Variants in MROH1 observed in about 807,000 individuals in gnomAD.
The protein encoded by MROH1 is maestro heat-like repeat-containing protein family member 1.
Under a neutral mutation model 116.5 loss-of-function variants are expected in MROH1, and 117 were observed. That is an observed-to-expected ratio of 1.00 (90% CI 0.86 to 1.17). The LOEUF is 1.17. Ranked by LOEUF, MROH1 falls within the 50% of genes most tolerant of loss-of-function variation. The pLI, the probability that MROH1 is intolerant of heterozygous loss-of-function variation, is 0.00. For synonymous variants in MROH1, 921 were observed against 583.9 expected, an observed-to-expected ratio of 1.58 and a Z score of -8.32; for missense variants, 1,873 against 1,338.5, an observed-to-expected ratio of 1.40 and a Z score of -6.23.
chr8:144,244,332 A>G lies in MROH1; in HGVS notation c.2666A>G (p.Gln889Arg), dbSNP rs2132999482. The stretch of plus-strand genomic sequence containing the variant: ...CCCAAGGAGGAGGACGGAGGCTGCC[A>G]GAAGGTATCCCTGTGTTTCCCTTGC... ...PEPKEEDGGC[Q>R]KSLYLETLHA... is the part of the protein sequence containing the mutation. The change falls in exon 27 of 44, where the codon CAG becomes CGG. Residue 889 changes from glutamine (Q) to arginine (R), a missense_variant. Transcript: ENST00000326134. 1 of 720,428 alleles carries G rather than the reference A, an allele frequency of 1.4e-6. No individual in the cohort carries two copies. 44.6% of individuals were successfully genotyped at this position (720,428 alleles called of 1,614,324 possible).
chr8:144,195,501 CAAAAAAAAAAAAAAAA>C (rs1163550725), intron 10 of MROH1, among the ~76,000 whole-genome samples: 8 of 35,340 alleles, frequency 2.3e-4, no homozygotes, highest in East Asian at 1.3e-3. Context: ...GACTCTGTCT[CAAAAAAAAAAAAAAAA>C]AAAAAAAAGA....
chr8:144,258,635 C>T (rs1179043683), intron 35 of MROH1, 142 bp from the exon 36 acceptor site: 1 of 665,946 alleles, frequency 1.5e-6, no homozygotes. Context: ...GGCCCAGAGC[C>T]TGCTTCCTGG....
chr8:144,171,878 C>T lies in MROH1; in HGVS notation c.168+3438C>T, dbSNP rs529564038. Among the ~76,000 whole-genome samples, 75 of 152,244 alleles carry T rather than the reference C, an allele frequency of 4.9e-4. No homozygotes were observed. In the South Asian group the frequency reaches 0.01, roughly 21 times the overall value. On this transcript the variant is annotated intron_variant, in intron 4 of 43. Transcript: ENST00000326134. ...TAACACCCTCTTGTCCAAGGAGACC[C>T]GGGAGCGACGTGGAAAACTACCTTC...
rs1275083718 is a variant in MROH1, at chr8:144,254,994, G to T, written c.3594+16G>T. ...GCCTCTCTCGGTGAGTCGGGCTCTC[G>T]GGGCCACCTTGACACGCTGTCCCTG... On this transcript the variant is annotated intron_variant, in intron 34 of 43. Transcript: ENST00000326134. 2.7e-6 allele frequency: 2 copies of T among 741,150 alleles called. No individual in the cohort carries two copies. Among genetic ancestry groups the T allele is most frequent in the Non-Finnish European group, 5.0e-6 (2 of 402,964 alleles). The allele number at this position is 741,150 out of a possible 1,614,324, so 45.9% of individuals were successfully genotyped here. A position where few individuals can be genotyped will look rare whatever the true frequency, so the allele number is the denominator to read the frequency against.
At chr8:144,166,041 G>A (rs1411824557) in intron 3 of MROH1, among the ~76,000 whole-genome samples, 1 of 151,682 alleles carries the variant, frequency 6.6e-6, no homozygotes, top group East Asian at 1.9e-4. Context: ...ATCACACCTG[G>A]CTAATTTTTA....
Position 144,163,911 on chromosome 8 carries a change from G to T in MROH1, c.22+63G>T. ...CCTCTCTTGCCTCTGGGTGGTCAGGGCAGGCCAAGGCTCTTACCAGCTCCA... is the reference window on the plus strand; with the variant it reads ...CCTCTCTTGCCTCTGGGTGGTCAGGTCAGGCCAAGGCTCTTACCAGCTCCA... On this transcript the variant is annotated intron_variant, in intron 3 of 43. Coordinates refer to ENST00000326134, the MANE Select transcript of MROH1 (RefSeq NM_032450.3). This position sits in a 1 kb window ranked among gnomAD's most constrained non-coding sequence, Gnocchi z 4.4. 1 of 1,573,166 alleles carries T rather than the reference G, an allele frequency of 6.4e-7. No homozygotes were observed.
At chr8:144,216,997 G>A (rs1835413151) in intron 12 of MROH1, among the ~76,000 whole-genome samples, 2 of 152,104 alleles carry the variant, frequency 1.3e-5, no homozygotes, top group South Asian at 2.1e-4. Context: ...CTATTGCTAA[G>A]TTCTTATGTG....
In MROH1 at chr8:144,198,818, G is replaced by A. The variant is rs558125822; in HGVS notation, c.949-304G>A. Among the ~76,000 whole-genome samples the A allele has an allele frequency of 2.0e-5, 3 of 152,244 alleles. No homozygotes were observed. The South Asian group carries it at 6.2e-4, about 32-fold the overall frequency. ...GTAGGAGAGGTGGAAGGTGGCAGGA[G>A]CAGGATGTGTCCCTGGAGACTTGAC... On this transcript the variant is annotated intron_variant, in intron 10 of 43. Transcript: ENST00000326134.
rs79749774 is a variant in MROH1 at position 144,197,417 on chromosome 8, C to CT, written c.949-1669dup. 7.8e-4 allele frequency among the ~76,000 whole-genome samples: 33 copies of CT among 42,500 alleles called. 13 individuals carry two copies. The highest frequency in any genetic ancestry group is 3.8e-3 in the African/African-American group (29 of 7,674). 27.9% of individuals were successfully genotyped at this position (42,500 alleles called of 152,430 possible). A position where few individuals can be genotyped will look rare whatever the true frequency, so the allele number is the denominator to read the frequency against. ...AAGAGTGGGCAGGAAGCTGCAGCATCTTTTTTTTTTTTTTTTTTTTTTTTT... is the reference window on the plus strand; with the variant it reads ...AAGAGTGGGCAGGAAGCTGCAGCATCTTTTTTTTTTTTTTTTTTTTTTTTTT... On this transcript the variant is annotated intron_variant, in intron 10 of 43. Coordinates refer to ENST00000326134, the MANE Select transcript of MROH1 (RefSeq NM_032450.3).
At chr8:144,241,322 A>T in intron 21 of MROH1, 73 bp from the exon 22 acceptor site, 1 of 717,530 alleles carries the variant, frequency 1.4e-6, no homozygotes, top group East Asian at 2.7e-5. Context: ...GCCCGTGTCC[A>T]CACGTGACAG....
intron 1 of MROH1, among the ~76,000 whole-genome samples, chr8:144,157,778 C>T (rs1371279511): frequency 1.3e-5 from 2 of 148,348 alleles, no homozygotes; most frequent in African/African-American, 5.0e-5. Context: ...CCCAGGCTCA[C>T]GTGGTCCTTC....
chr8:144,260,101 G>C (rs1844725171), intron 38 of MROH1, 44 bp downstream of exon 38: 6 of 740,914 alleles, frequency 8.1e-6, no homozygotes, highest in Admixed American at 3.6e-5. Context: ...CAGCATGGGT[G>C]GGGGGCTGTG....
intron 13 of MROH1, 95 bp downstream of exon 13, chr8:144,220,768 C>A: frequency 1.9e-6 from 2 of 1,062,294 alleles, no homozygotes; most frequent in Non-Finnish European, 2.8e-6. Flanking sequence ...ACCAACCAGG[C>A]GGCCACCACC....
chr8:144,225,179 C>G (rs1837563201), intron 14 of MROH1, among the ~76,000 whole-genome samples: 1 of 152,112 alleles, frequency 6.6e-6, no homozygotes, highest in Non-Finnish European at 1.5e-5. Flanking sequence ...GGTGGGACCA[C>G]AGGCATGCGC....
At chr8:144,174,151 T>C (rs1284861814) in intron 4 of MROH1, among the ~76,000 whole-genome samples, 1 of 152,030 alleles carries the variant, frequency 6.6e-6, no homozygotes, top group Non-Finnish European at 1.5e-5. Context: ...GGCGTGATGG[T>C]ATAGAAAGCC....
At chr8:144,178,043 T>C (rs1564402862) in intron 4 of MROH1, among the ~76,000 whole-genome samples, 1 of 149,452 alleles carries the variant, frequency 6.7e-6, no homozygotes, top group Non-Finnish European at 1.5e-5. Context: ...CACTGCAACC[T>C]CCACCTCCCG....
chr8:144,161,502 C>T (rs970974406), intron 2 of MROH1, among the ~76,000 whole-genome samples: 1 of 152,150 alleles, frequency 6.6e-6, no homozygotes, highest in Non-Finnish European at 1.5e-5. Context: ...TTTGCTGGGC[C>T]CTAGGACTGG....
intron 10 of MROH1, among the ~76,000 whole-genome samples, chr8:144,196,203 T>C (rs7386872): frequency 0.97 from 145,236 of 150,010 alleles, 70,468 homozygotes; most frequent in South Asian, 1. Flanking sequence ...GGCAGGAGAA[T>C]TGCTTGAACC....
intron 1 of MROH1, among the ~76,000 whole-genome samples, chr8:144,159,096 G>A (rs1038930485): frequency 2.2e-4 from 34 of 152,260 alleles, no homozygotes; most frequent in Non-Finnish European, 3.7e-4. Flanking sequence ...AGTGGCTCAC[G>A]CCTGTAATCC....
Sources: allele counts gnomAD v4.1 joint callset (sites outside exome capture counted in the v4.1 genomes callset), GRCh38; gene constraint gnomAD v4.1.1; non-coding constraint Gnocchi (gnomAD v3.1); transcripts MANE v1.5; gene names NCBI Gene and HGNC (gene_info 2026-07-23, HGNC 2026-07-21).